The following RIT2 variants were observed in gnomAD, a reference collection of about 807,000 sequenced individuals.
RIT2 encodes the protein GTP-binding protein Rit2.
In RIT2, 24 loss-of-function variants were observed where a neutral mutation model predicts 23.7. That is an observed-to-expected ratio of 1.01 (90% CI 0.73 to 1.43). RIT2 has a LOEUF of 1.43. Among genes scored for constraint, RIT2 ranks in the 40% most tolerant of loss-of-function variants. The pLI is 0.00. For synonymous variants in RIT2, 107 were observed against 91.1 expected (o/e 1.17, Z -0.99); for missense variants, 236 against 266.9 (o/e 0.88, Z 0.81).
chr18:42,796,022 A>C lies in RIT2; in HGVS notation c.427-52302T>G, dbSNP rs535488874. 1.1e-3 allele frequency among the ~76,000 whole-genome samples: 168 copies of C among 152,286 alleles called. No homozygotes were observed. The Middle Eastern group carries it at 0.014, about 12-fold the overall frequency. On this transcript the variant is annotated intron_variant, in intron 4 of 4. Transcript: ENST00000326695. ...CAATCAGCAGGATGTGGGTGGGGCC[A>C]GATAAGAGAATAAAAGCAGGCTGCC...
intron 3 of RIT2, among the ~76,000 whole-genome samples, chr18:42,941,525 A>G (rs902256768): frequency 1.3e-5 from 2 of 152,170 alleles, no homozygotes; most frequent in Non-Finnish European, 2.9e-5. Context: ...ATTCCTTAAA[A>G]CAATGCAAAT....
At chr18:42,810,511 TA>T (rs1905821917) in intron 4 of RIT2, among the ~76,000 whole-genome samples, 1 of 151,750 alleles carries the variant, frequency 6.6e-6, no homozygotes, top group African/African-American at 2.4e-5. Flanking sequence ...ATCAGCACCA[TA>T]AAAATCCAAG....
rs114958476 is a variant in RIT2 at position 43,040,804 on chromosome 18, A to G, written c.104-6937T>C. ...GAAATGTCAAATGAAGGAAAATGAA[A>G]TGTTATACTTTCCCCCCCAAAAAAA... On this transcript the variant is annotated intron_variant, in intron 1 of 4. Coordinates refer to ENST00000326695, the MANE Select transcript of RIT2 (RefSeq NM_002930.4). Among the ~76,000 whole-genome samples the G allele has an allele frequency of 4.5e-3, 687 of 152,176 alleles. 6 individuals are homozygous for G. Among genetic ancestry groups the G allele is most frequent in the African/African-American group, 0.016 (658 of 41,530 alleles).
At chr18:43,079,930 C>T (rs1388908663) in intron 1 of RIT2, among the ~76,000 whole-genome samples, 3 of 152,130 alleles carry the variant, frequency 2.0e-5, no homozygotes, top group African/African-American at 7.2e-5. Context: ...CTGGGTTCTG[C>T]CACAAAATCT....
chr18:42,868,451 T>C (rs1907531179), intron 4 of RIT2, among the ~76,000 whole-genome samples: 1 of 152,226 alleles, frequency 6.6e-6, no homozygotes, highest in African/African-American at 2.4e-5. Context: ...GGCTTATCAA[T>C]GTTACATAAT....
intron 4 of RIT2, among the ~76,000 whole-genome samples, chr18:42,900,969 T>G (rs569339917): frequency 6.6e-6 from 1 of 151,638 alleles, no homozygotes; most frequent in South Asian, 2.1e-4. Context: ...GTTAAAATTT[T>G]ATTTGGCTTT....
chr18:42,993,503 T>G (rs1328586018), intron 2 of RIT2, among the ~76,000 whole-genome samples: 3 of 152,194 alleles, frequency 2.0e-5, no homozygotes, highest in Non-Finnish European at 4.4e-5. Flanking sequence ...CTGTTTCCCT[T>G]GCCTCCATAA....
At chr18:42,988,431 C>A (rs897243893) in intron 2 of RIT2, among the ~76,000 whole-genome samples, 4 of 152,028 alleles carry the variant, frequency 2.6e-5, no homozygotes, top group African/African-American at 9.7e-5. Context: ...GATAATTAGT[C>A]TTCATATTGA....
intron 2 of RIT2, among the ~76,000 whole-genome samples, chr18:43,010,384 G>T (rs1289902775): frequency 6.6e-6 from 1 of 151,750 alleles, no homozygotes; most frequent in Non-Finnish European, 1.5e-5. Flanking sequence ...CAGCTCAGCT[G>T]AACTTTGCAA....
chr18:42,850,056 A>G (rs1482498271), intron 4 of RIT2, among the ~76,000 whole-genome samples: 2 of 149,822 alleles, frequency 1.3e-5, no homozygotes, highest in African/African-American at 4.9e-5. Context: ...TATAATTTTA[A>G]TTTAAGAAAA....
chr18:43,090,610 T>A (rs956292129), intron 1 of RIT2, among the ~76,000 whole-genome samples: 1 of 151,778 alleles, frequency 6.6e-6, no homozygotes, highest in Non-Finnish European at 1.5e-5. Flanking sequence ...CAAAAACATA[T>A]CAATCTAAAT....
intron 2 of RIT2, among the ~76,000 whole-genome samples, chr18:42,985,020 A>C (rs1053556441): frequency 6.6e-6 from 1 of 152,114 alleles, no homozygotes; most frequent in Admixed American, 6.5e-5. Context: ...TTGGGCAGGC[A>C]TGTAGAAAAT....
rs560120481 is a variant in RIT2 at position 43,000,407 on chromosome 18, C to T, written c.161-26260G>A. ...GGTTAAACAATCAATTGCAATAGGA[C>T]CAGACTCAAGGGAGATCGATACAAT... On this transcript the variant is annotated intron_variant, in intron 2 of 4. Transcript: ENST00000326695. Among the ~76,000 whole-genome samples the T allele has an allele frequency of 1.2e-4, 18 of 152,084 alleles. No homozygotes were observed. The South Asian group carries it at 3.7e-3, about 32-fold the overall frequency.
intron 4 of RIT2, among the ~76,000 whole-genome samples, chr18:42,880,544 T>C (rs1907860891): frequency 6.6e-6 from 1 of 152,168 alleles, no homozygotes; most frequent in Non-Finnish European, 1.5e-5. Flanking sequence ...CTTGTTCTTA[T>C]CTTTTACGTA....
rs552177448 is a variant in RIT2, at chr18:42,954,254, G to C, written c.234+19820C>G. Among the ~76,000 whole-genome samples the C allele has an allele frequency of 1.9e-4, 29 of 151,272 alleles. No individual in the cohort carries two copies. In the South Asian group the frequency reaches 4.6e-3, roughly 24 times the overall value. On this transcript the variant is annotated intron_variant, in intron 3 of 4. Transcript: ENST00000326695. Reference sequence around the variant, plus strand: ...TTAGCCTGGCATAGTGGCAGCACCTGTAATCCCGGCTACTTGGGAGGCTGA... The same window carrying C: ...TTAGCCTGGCATAGTGGCAGCACCTCTAATCCCGGCTACTTGGGAGGCTGA...
chr18:42,796,775 C>T (rs1217919832), intron 4 of RIT2, among the ~76,000 whole-genome samples: 1 of 152,114 alleles, frequency 6.6e-6, no homozygotes, highest in South Asian at 2.1e-4. Flanking sequence ...TCTGGTTTTC[C>T]TTTGACAGGT....
intron 3 of RIT2, among the ~76,000 whole-genome samples, chr18:42,925,586 G>A (rs536026464): frequency 7.9e-5 from 12 of 151,814 alleles, no homozygotes; most frequent in African/African-American, 2.9e-4. Flanking sequence ...TAAAGTTTTT[G>A]ATTTTCAATC....
chr18:43,033,403 A>G (rs952784944), intron 2 of RIT2, among the ~76,000 whole-genome samples: 1 of 152,174 alleles, frequency 6.6e-6, no homozygotes, highest in African/African-American at 2.4e-5. Context: ...CACCATTAAC[A>G]TGGCTAAATA....
chr18:42,774,074 G>C (rs2143919723), intron 4 of RIT2, among the ~76,000 whole-genome samples: 1 of 152,288 alleles, frequency 6.6e-6, no homozygotes, highest in Non-Finnish European at 1.5e-5. Context: ...GTCACCAGGA[G>C]CCAGTAGGTT....
Sources: gnomAD v4.1 joint callset for allele counts (sites outside exome capture counted in the v4.1 genomes callset) on GRCh38, gnomAD v4.1.1 for gene constraint, MANE v1.5 for transcripts, NCBI Gene and HGNC (gene_info 2026-07-23, HGNC 2026-07-21) for gene names.